RASAL2: variants seen among roughly 807,000 people sequenced by gnomAD.
RASAL2 encodes the protein ras GTPase-activating protein nGAP.
In RASAL2, 58 loss-of-function variants were observed where a neutral mutation model predicts 128.9. The ratio of observed to expected loss-of-function variants is 0.45; its 90% confidence interval spans 0.36 to 0.56. The LOEUF is 0.56. RASAL2 is among the 20% of genes least tolerant of loss of function. The pLI is 0.00. For missense variants in RASAL2, 1,360 were observed against 1,601.6 expected, an observed-to-expected ratio of 0.85 and a Z score of 2.57; for synonymous variants, 561 against 580.8, an observed-to-expected ratio of 0.97 and a Z score of 0.49.
Position 178,422,830 on chromosome 1 carries a change from T to C in RASAL2, c.674+2210T>C, listed in dbSNP as rs74731327. 1.2e-4 allele frequency among the ~76,000 whole-genome samples: 18 copies of C among 152,094 alleles called. No individual in the cohort carries two copies. In the East Asian group the frequency reaches 3.3e-3, roughly 28 times the overall value. ...CCAGTTAAATGTAGTAAGCAGCTCC[T>C]TTTTTTTCCATTTTTAAATTATAAA... On this transcript the variant is annotated intron_variant, in intron 5 of 17. Coordinates refer to ENST00000367649, the MANE Select transcript of RASAL2 (RefSeq NM_170692.4).
chr1:178,186,488 AAGG>A (rs1337652188), intron 1 of RASAL2, among the ~76,000 whole-genome samples: 1 of 152,042 alleles, frequency 6.6e-6, no homozygotes, highest in African/African-American at 2.4e-5. Context: ...TTCATTTTTG[AAGG>A]GTATGGTATG....
chr1:178,473,162 C>T lies in RASAL2; in HGVS notation c.3766C>T (p.Arg1256Cys), dbSNP rs773285861. The change falls in exon 18 of 18, where the codon CGC becomes TGC. Residue 1256 changes from arginine to cysteine, a missense_variant. Coordinates refer to ENST00000367649, the MANE Select transcript of RASAL2 (RefSeq NM_170692.4). ...GAAGGAGCGGTACAGCATGCAGGTC[C>T]GCAATGGCATCTCCCCCACCAACCC... ...QVKERYSMQVRNGISPTNPTK... is the reference protein window; with the variant it reads ...QVKERYSMQVCNGISPTNPTK... 2.2e-5 allele frequency: 36 copies of T among 1,614,074 alleles called. No homozygotes were observed. Among genetic ancestry groups the T allele is most frequent in the African/African-American group, 6.7e-5 (5 of 74,910 alleles).
intron 16 of RASAL2, among the ~76,000 whole-genome samples, chr1:178,466,365 T>A (rs561997337): frequency 2.2e-4 from 33 of 152,338 alleles, no homozygotes; most frequent in Admixed American, 7.2e-4. Flanking sequence ...GGTGGTTTAC[T>A]TGAGAAATCT....
At chr1:178,219,829 G>C (rs567600638) in intron 1 of RASAL2, among the ~76,000 whole-genome samples, 1 of 151,936 alleles carries the variant, frequency 6.6e-6, no homozygotes, top group Non-Finnish European at 1.5e-5. Context: ...CCATTGTAGG[G>C]TGATATGGTT....
chr1:178,362,196 A>G (rs1274707423), intron 3 of RASAL2, among the ~76,000 whole-genome samples: 1 of 152,176 alleles, frequency 6.6e-6, no homozygotes, highest in Non-Finnish European at 1.5e-5. Context: ...AGTAATCTAG[A>G]GATGATTTAA....
intron 1 of RASAL2, among the ~76,000 whole-genome samples, chr1:178,183,697 T>G (rs1419818562): frequency 6.6e-6 from 1 of 152,232 alleles, no homozygotes; most frequent in African/African-American, 2.4e-5. Flanking sequence ...GAATAGTATT[T>G]ATGTACCTAT....
intron 16 of RASAL2, 59 bp from the exon 17 acceptor site, chr1:178,467,275 T>G: frequency 3.6e-6 from 5 of 1,395,668 alleles, no homozygotes; most frequent in Non-Finnish European, 5.1e-6. Flanking sequence ...TTTCCTGTTC[T>G]CTACACTAGC....
At chr1:178,120,643 G>T (rs1236811401) in intron 1 of RASAL2, among the ~76,000 whole-genome samples, 2 of 152,166 alleles carry the variant, frequency 1.3e-5, no homozygotes, top group African/African-American at 4.8e-5. Context: ...ATATGAGTCT[G>T]CAAGCAATTG....
At chr1:178,185,396 A>T (rs905863176) in intron 1 of RASAL2, among the ~76,000 whole-genome samples, 1 of 152,026 alleles carries the variant, frequency 6.6e-6, no homozygotes, top group African/African-American at 2.4e-5. Context: ...TTGTCTTGTT[A>T]TCCATCTTAG....
chr1:178,368,566 A>G (rs1263101995), intron 3 of RASAL2, among the ~76,000 whole-genome samples: 1 of 152,174 alleles, frequency 6.6e-6, no homozygotes, highest in African/African-American at 2.4e-5. Flanking sequence ...ATAAGACGAC[A>G]TGGTAAACTG....
intron 1 of RASAL2, among the ~76,000 whole-genome samples, chr1:178,192,487 A>G (rs1229066716): frequency 1.3e-5 from 2 of 152,214 alleles, no homozygotes; most frequent in African/African-American, 2.4e-5. Flanking sequence ...GAGGCAGTCT[A>G]TGGATATGCT....
At chr1:178,150,772 G>T (rs1256441094) in intron 1 of RASAL2, among the ~76,000 whole-genome samples, 3 of 151,892 alleles carry the variant, frequency 2.0e-5, no homozygotes, top group Non-Finnish European at 4.4e-5. Flanking sequence ...TGTTTTTGTG[G>T]CTACTTGCAG....
intron 1 of RASAL2, among the ~76,000 whole-genome samples, chr1:178,222,639 G>C (rs1329753568): frequency 6.6e-6 from 1 of 151,950 alleles, no homozygotes; most frequent in African/African-American, 2.4e-5. Context: ...TTTGTTTCAG[G>C]TTATGAGAAT....
chr1:178,424,203 C>A (rs1452787754), intron 5 of RASAL2, among the ~76,000 whole-genome samples: 2 of 151,036 alleles, frequency 1.3e-5, no homozygotes, highest in East Asian at 3.9e-4. Context: ...ATTTTGAAAT[C>A]TTCAAAGTGT....
At chr1:178,175,007 T>C (rs542578226) in intron 1 of RASAL2, among the ~76,000 whole-genome samples, 2 of 152,268 alleles carry the variant, frequency 1.3e-5, no homozygotes, top group African/African-American at 2.4e-5. Flanking sequence ...AATCATATAG[T>C]ACATGGCAGA....
rs1677515928 is a variant in RASAL2 at position 178,453,230 on chromosome 1, T to C, written c.2009+578T>C. Among the ~76,000 whole-genome samples the C allele has an allele frequency of 3.3e-5, 5 of 152,036 alleles. No homozygotes were observed. The South Asian group carries it at 1.0e-3, about 32-fold the overall frequency. On this transcript the variant is annotated intron_variant, in intron 11 of 17. Transcript: ENST00000367649. ...TATATATATGTCCTTTTGGGGGCAA[T>C]GGGTGGAATTTAAATATATAGATAA...
intron 1 of RASAL2, among the ~76,000 whole-genome samples, chr1:178,170,301 T>C (rs1168167127): frequency 1.3e-5 from 2 of 151,844 alleles, no homozygotes; most frequent in African/African-American, 4.8e-5. Flanking sequence ...ACTAGCTAAA[T>C]TGAGATAGAG....
chr1:178,215,768 G>A (rs940640430), intron 1 of RASAL2, among the ~76,000 whole-genome samples: 4 of 152,074 alleles, frequency 2.6e-5, no homozygotes, highest in Admixed American at 6.5e-5. Context: ...TTCATTTAAT[G>A]CCTAAACAAG....
At chr1:178,162,776 C>T (rs955292741) in intron 1 of RASAL2, among the ~76,000 whole-genome samples, 4 of 150,866 alleles carry the variant, frequency 2.7e-5, no homozygotes, top group Non-Finnish European at 4.4e-5. Context: ...TTAGTAGAGA[C>T]AGTGTTTTAC....
Sources: allele counts gnomAD v4.1 joint callset (sites outside exome capture counted in the v4.1 genomes callset), GRCh38; gene constraint gnomAD v4.1.1; transcripts MANE v1.5; gene names NCBI Gene and HGNC (gene_info 2026-07-23, HGNC 2026-07-21).